ERC1: variants seen among roughly 807,000 people sequenced by gnomAD.
The protein encoded by ERC1 is ELKS/RAB6-interacting/CAST family member 1, also known as RAB6 interacting protein 2.
ERC1 carries 56 observed loss-of-function variants against 132.0 expected under a neutral mutation model. That is an observed-to-expected ratio of 0.42 (90% CI 0.34 to 0.53). The LOEUF (loss-of-function observed/expected upper bound fraction) is 0.53. Among genes scored for constraint, ERC1 ranks in the 20% least tolerant of loss-of-function variants. The probability of loss-of-function intolerance (pLI) is 0.03; values close to 1 mark genes in which losing one functional copy is unlikely to be tolerated. For synonymous variants in ERC1, 478 were observed against 476.1 expected (o/e 1.00, Z -0.05); for missense variants, 1,202 against 1,349.9 (o/e 0.89, Z 1.72).
At chr12:1,078,512 G>A (rs1941693355) in intron 2 of ERC1, among the ~76,000 whole-genome samples, 2 of 149,714 alleles carry the variant, frequency 1.3e-5, no homozygotes, top group Non-Finnish European at 1.5e-5. Context: ...TACCAGAATT[G>A]AAAGCTCACT....
In ERC1 at chr12:1,026,022, T is replaced by G. The variant is rs551079815; in HGVS notation, c.-156-1726T>G. Among the ~76,000 whole-genome samples, 4 of 152,142 alleles carry G rather than the reference T, an allele frequency of 2.6e-5. No homozygotes were observed. In the South Asian group the frequency reaches 8.3e-4, roughly 32 times the overall value. ...TGTTGGTCAGGCTGGTCTCGAACTC[T>G]TGATGTCAGGTGATCCACCCGCCTT... On this transcript the variant is annotated intron_variant, in intron 1 of 18. Transcript: ENST00000360905.
At chr12:1,373,946 C>T (rs573361209) in intron 16 of ERC1, among the ~76,000 whole-genome samples, 1 of 152,310 alleles carries the variant, frequency 6.6e-6, no homozygotes, top group East Asian at 1.9e-4. Context: ...AATAACAGTT[C>T]TCAGGAGTCC....
intron 5 of ERC1, 138 bp downstream of exon 5, chr12:1,110,485 T>C: frequency 1.5e-6 from 1 of 666,254 alleles, no homozygotes; most frequent in Non-Finnish European, 2.3e-6. Flanking sequence ...AGCATAGTTC[T>C]TTCAAATGAA....
intron 1 of ERC1, among the ~76,000 whole-genome samples, chr12:1,007,540 C>CTCTCTCTCTCTCTCTCTCTCTCTCTG (rs1555194875): frequency 8.1e-6 from 1 of 122,710 alleles, no homozygotes; most frequent in African/African-American, 3.8e-5. Flanking sequence ...CTCTCTCTCT[C>CTCTCTCTCTCTCTCTCTCTCTCTCTG]TGTGTGTGTG....
At chr12:1,378,448 T>C (rs10848468) in intron 16 of ERC1, among the ~76,000 whole-genome samples, 61,713 of 152,076 alleles carry the variant, frequency 0.41, 13,777 homozygotes, top group African/African-American at 0.59. Flanking sequence ...CTTATTCTGT[T>C]CTATGAGAAA....
At chr12:1,110,780 T>G (rs1945768104) in intron 5 of ERC1, among the ~76,000 whole-genome samples, 1 of 152,174 alleles carries the variant, frequency 6.6e-6, no homozygotes, top group African/African-American at 2.4e-5. Context: ...CTCAGCTCAC[T>G]GCAGCCTCTG....
At chr12:1,226,617 T>C (rs1184047970) in intron 12 of ERC1, among the ~76,000 whole-genome samples, 5 of 152,240 alleles carry the variant, frequency 3.3e-5, no homozygotes, top group Non-Finnish European at 7.3e-5. Context: ...ACCGTTCTAC[T>C]TTCTCTGAGT....
intron 12 of ERC1, among the ~76,000 whole-genome samples, chr12:1,225,297 A>G (rs2074470581): frequency 6.6e-6 from 1 of 151,944 alleles, no homozygotes; most frequent in Non-Finnish European, 1.5e-5. Flanking sequence ...TGTCTCTACA[A>G]AAATTAGCTG....
chr12:1,319,834 T>C (rs1490716891), intron 15 of ERC1, among the ~76,000 whole-genome samples: 1 of 152,160 alleles, frequency 6.6e-6, no homozygotes, highest in African/African-American at 2.4e-5. Context: ...TTCCCTTACC[T>C]GTAATAACTT....
At position 1,027,991 on chromosome 12, in the gene ERC1, T is replaced by A; in HGVS notation, c.88T>A (p.Leu30Met). The A allele has an allele frequency of 6.2e-7, 1 of 1,614,174 alleles. No homozygotes were observed. The highest frequency in any genetic ancestry group is 8.5e-7 in the Non-Finnish European group (1 of 1,180,034). The change falls in exon 2 of 19, where the codon TTG becomes ATG. Residue 30 changes from leucine to methionine, a missense_variant. Coordinates refer to ENST00000360905, the MANE Select transcript of ERC1 (RefSeq NM_178040.4). ...RSPRLPRSPR[L>M]GHRRTNSTGG... ...ACCCAGGCTTCCACGTTCCCCTCGC[T>A]TGGGTCACCGTCGAACCAACAGTAC...
At chr12:1,280,751 C>CAT (rs2078626766) in intron 14 of ERC1, among the ~76,000 whole-genome samples, 1 of 152,216 alleles carries the variant, frequency 6.6e-6, no homozygotes, top group African/African-American at 2.4e-5. Flanking sequence ...TATGCACATA[C>CAT]ATACACATAT....
Position 1,301,273 on chromosome 12 carries a change from A to G in ERC1, c.2780+11261A>G, listed in dbSNP as rs1566528683. 2.0e-5 allele frequency among the ~76,000 whole-genome samples: 3 copies of G among 152,310 alleles called. No homozygotes were observed. In the East Asian group the frequency reaches 5.8e-4, roughly 29 times the overall value. On this transcript the variant is annotated intron_variant, in intron 15 of 18. Coordinates refer to ENST00000360905, the MANE Select transcript of ERC1 (RefSeq NM_178040.4). ...GTACTCAGTTGATGGGTGCACTAAAATCTTAGAATTCACCACTGTATAACT... is the reference window on the plus strand; with the variant it reads ...GTACTCAGTTGATGGGTGCACTAAAGTCTTAGAATTCACCACTGTATAACT...
At chr12:1,281,536 A>T (rs2078677823) in intron 14 of ERC1, among the ~76,000 whole-genome samples, 1 of 152,202 alleles carries the variant, frequency 6.6e-6, no homozygotes, top group African/African-American at 2.4e-5. Flanking sequence ...CTACTGCTGG[A>T]GGAAGAAAAT....
chr12:1,487,858 G>T (rs111309813), intron 18 of ERC1, among the ~76,000 whole-genome samples: 7,869 of 151,974 alleles, frequency 0.052, 648 homozygotes, highest in African/African-American at 0.18. Flanking sequence ...AGAGAAAAAG[G>T]CCAGGCGCGG....
At chr12:1,105,770 G>A (rs1254920988) in intron 4 of ERC1, among the ~76,000 whole-genome samples, 3 of 152,010 alleles carry the variant, frequency 2.0e-5, no homozygotes, top group African/African-American at 2.4e-5. Context: ...AGTACTTGAC[G>A]TGACAAATAT....
intron 15 of ERC1, among the ~76,000 whole-genome samples, chr12:1,296,103 A>G (rs960203937): frequency 6.6e-6 from 1 of 152,042 alleles, no homozygotes; most frequent in Non-Finnish European, 1.5e-5. Context: ...GGAAATCTCA[A>G]CAGAGAAAGG....
At chr12:1,382,051 A>T (rs999345135) in intron 16 of ERC1, among the ~76,000 whole-genome samples, 1 of 152,218 alleles carries the variant, frequency 6.6e-6, no homozygotes, top group African/African-American at 2.4e-5. Flanking sequence ...CCCGTTCTAT[A>T]ACCATTCCTG....
rs144225754 is a variant in ERC1, at chr12:1,161,540, T to C, written c.1738-19000T>C. Among the ~76,000 whole-genome samples the C allele has an allele frequency of 1.0e-3, 153 of 152,352 alleles. 1 individual carries two copies. The highest frequency in any genetic ancestry group is 6.8e-3 in the Middle Eastern group (2 of 294). On this transcript the variant is annotated intron_variant, in intron 8 of 18. Coordinates refer to ENST00000360905, the MANE Select transcript of ERC1 (RefSeq NM_178040.4). ...AAAATTATACCCAATTTTTACCTAA[T>C]GAGAAAAATTACAGTGAATGTAGTC...
intron 18 of ERC1, among the ~76,000 whole-genome samples, chr12:1,454,047 C>T (rs1192012856): frequency 6.6e-6 from 1 of 152,046 alleles, no homozygotes; most frequent in Non-Finnish European, 1.5e-5. Flanking sequence ...CTCTCCAGCC[C>T]ACACCCCAGC....
Sources: allele counts gnomAD v4.1 joint callset (sites outside exome capture counted in the v4.1 genomes callset), GRCh38; gene constraint gnomAD v4.1.1; transcripts MANE v1.5; gene names NCBI Gene and HGNC (gene_info 2026-07-23, HGNC 2026-07-21).